RELN: variants seen among roughly 807,000 people sequenced by gnomAD.
RELN encodes reelin.
In RELN, 108 loss-of-function variants were observed where a neutral mutation model predicts 427.6. The ratio of observed to expected loss-of-function variants is 0.25; its 90% CI spans 0.22 to 0.30. The LOEUF is 0.30. Ranked by LOEUF, RELN falls within the 10% of genes least tolerant of loss-of-function variation. The probability of loss-of-function intolerance (pLI) is 1.00; values close to 1 mark genes in which losing one functional copy is unlikely to be tolerated. For missense variants in RELN, 3,715 were observed against 4,302.8 expected (o/e 0.86, Z 3.82); for synonymous variants, 1,524 against 1,513.4 (o/e 1.01, Z -0.16).
At chr7:103,602,437 C>T (rs1461314967) in intron 24 of RELN, among the ~76,000 whole-genome samples, 1 of 152,156 alleles carries the variant, frequency 6.6e-6, no homozygotes, top group African/African-American at 2.4e-5. Context: ...AATCCAAATG[C>T]CCATCAATGA....
chr7:103,487,635 C>T (rs1249307776), intron 60 of RELN, among the ~76,000 whole-genome samples: 2 of 152,168 alleles, frequency 1.3e-5, no homozygotes, highest in Non-Finnish European at 2.9e-5. Context: ...TGTTTAAATA[C>T]CACAGCATCT....
At chr7:103,634,033 C>A (rs1832526009) in intron 19 of RELN, among the ~76,000 whole-genome samples, 1 of 152,038 alleles carries the variant, frequency 6.6e-6, no homozygotes, top group African/African-American at 2.4e-5. Flanking sequence ...AGATGTTAAT[C>A]ATTATCTGTT....
At chr7:103,758,192 A>G (rs1234848218) in intron 4 of RELN, among the ~76,000 whole-genome samples, 1 of 152,194 alleles carries the variant, frequency 6.6e-6, no homozygotes, top group Non-Finnish European at 1.5e-5. Flanking sequence ...GAAATTCACA[A>G]ACATTACAGA....
At chr7:103,917,797 T>G (rs1216319945) in intron 1 of RELN, among the ~76,000 whole-genome samples, 1 of 152,136 alleles carries the variant, frequency 6.6e-6, no homozygotes, top group African/African-American at 2.4e-5. Flanking sequence ...AGTGGTTTTA[T>G]AACCATAAAA....
intron 4 of RELN, among the ~76,000 whole-genome samples, chr7:103,765,276 C>T (rs913465107): frequency 6.6e-6 from 1 of 152,178 alleles, no homozygotes; most frequent in Non-Finnish European, 1.5e-5. Flanking sequence ...ATGAGAGGAA[C>T]ACCATTCCAC....
At chr7:103,807,003 A>T (rs1176426836) in intron 3 of RELN, among the ~76,000 whole-genome samples, 1 of 152,168 alleles carries the variant, frequency 6.6e-6, no homozygotes, top group Non-Finnish European at 1.5e-5. Flanking sequence ...GACACATGAA[A>T]TGACAATTAC....
At chr7:103,778,786 A>C (rs558734049) in intron 3 of RELN, among the ~76,000 whole-genome samples, 2 of 152,218 alleles carry the variant, frequency 1.3e-5, no homozygotes, top group Non-Finnish European at 2.9e-5. Context: ...ACGAACCTTT[A>C]AGATCATCTG....
At position 103,540,230 on chromosome 7, in the gene RELN, A is replaced by C; in HGVS notation, c.6897T>G (p.Asn2299Lys). 1 of 1,614,198 alleles carries C rather than the reference A, an allele frequency of 6.2e-7. No homozygotes were observed. Among genetic ancestry groups the C allele is most frequent in the South Asian group, 1.1e-5 (1 of 91,086 alleles). Residue 2299 changes from asparagine to lysine, a missense_variant, in exon 44 of 65, where the codon AAT (asparagine) becomes AAG (lysine). Around this residue, in one of 4 missense-constraint regions of RELN, gnomAD observed 1,310 missense variants for 1,643.0 expected, o/e 0.80. Coordinates refer to ENST00000428762, the MANE Select transcript of RELN (RefSeq NM_005045.4). ...TRLRWWQPSE[N>K]GHFYSPWVID... ...TAACCCAGGGGCTGTAGAAGTGCCC[A>C]TTCTCAGACGGTTGCCACCAGCGAA...
At chr7:103,899,134 C>T (rs1314701412) in intron 2 of RELN, among the ~76,000 whole-genome samples, 1 of 152,094 alleles carries the variant, frequency 6.6e-6, no homozygotes, top group African/African-American at 2.4e-5. Flanking sequence ...CACAGAAATA[C>T]AAACTACTTT....
chr7:103,967,128 T>C (rs1313393824), intron 1 of RELN, among the ~76,000 whole-genome samples: 3 of 152,090 alleles, frequency 2.0e-5, no homozygotes, highest in Non-Finnish European at 1.5e-5. Context: ...AAGATATGGG[T>C]GTGGTTATGC....
chr7:103,740,647 G>T (rs1371297279), intron 6 of RELN, among the ~76,000 whole-genome samples: 1 of 152,104 alleles, frequency 6.6e-6, no homozygotes, highest in Non-Finnish European at 1.5e-5. Context: ...ATTAGTAAAT[G>T]AGATAAACTT....
At chr7:103,708,615 CAA>C (rs1789704808) in intron 8 of RELN, among the ~76,000 whole-genome samples, 1 of 151,818 alleles carries the variant, frequency 6.6e-6, no homozygotes. Context: ...AGGCGCCCGC[CAA>C]CACGCCCGGC....
rs149524860 is a variant in RELN, at chr7:103,869,157, G to A, written c.338-35485C>T. ...TGAAGTGTAGGATGGGGAGTTTCAA[G>A]TTGTAAAGTAAGAAGTTCGAAGTGT... On this transcript the variant is annotated intron_variant, in intron 2 of 64. Transcript: ENST00000428762. Among the ~76,000 whole-genome samples the A allele has an allele frequency of 6.6e-5, 10 of 152,180 alleles. No homozygotes were observed. In the East Asian group the frequency reaches 1.2e-3, roughly 18 times the overall value.
chr7:103,701,319 G>A (rs1026915508), intron 8 of RELN, among the ~76,000 whole-genome samples: 1 of 152,026 alleles, frequency 6.6e-6, no homozygotes, highest in Non-Finnish European at 1.5e-5. Flanking sequence ...ATTATGGGGT[G>A]ACTTATAAGG....
chr7:103,917,551 C>CTTTTT (rs11412775), intron 1 of RELN, among the ~76,000 whole-genome samples: 1 of 146,350 alleles, frequency 6.8e-6, no homozygotes, highest in Admixed American at 6.9e-5. Flanking sequence ...TGATAAAATG[C>CTTTTT]TTTTTTTTTT....
chr7:103,566,120 A>T, intron 33 of RELN, 104 bp downstream of exon 33: 1 of 962,354 alleles, frequency 1.0e-6, no homozygotes, highest in Non-Finnish European at 1.6e-6. Context: ...CAGCATGGGT[A>T]GTTAGGCACA....
intron 20 of RELN, chr7:103,627,986 C>A (rs1223169070): frequency 1.3e-5 from 2 of 152,144 alleles, no homozygotes; most frequent in Non-Finnish European, 2.9e-5. Flanking sequence ...CAGATGCTAA[C>A]TATTTATGAA....
At chr7:103,794,989 C>T (rs1283467438) in intron 3 of RELN, among the ~76,000 whole-genome samples, 1 of 152,208 alleles carries the variant, frequency 6.6e-6, no homozygotes, top group East Asian at 1.9e-4. Flanking sequence ...GACACTTACA[C>T]TATGATAAAT....
At chr7:103,744,271 G>C (rs2116033901) in intron 6 of RELN, among the ~76,000 whole-genome samples, 1 of 152,266 alleles carries the variant, frequency 6.6e-6, no homozygotes, top group African/African-American at 2.4e-5. Flanking sequence ...GCAGTGTGTA[G>C]ATGGAAATTT....
Sources: allele counts gnomAD v4.1 joint callset (sites outside exome capture counted in the v4.1 genomes callset), GRCh38; gene constraint gnomAD v4.1.1; regional missense constraint gnomAD v4.1.1; transcripts MANE v1.5; gene names NCBI Gene and HGNC (gene_info 2026-07-23, HGNC 2026-07-21).